The following HLCS variants were observed in gnomAD, a reference collection of about 807,000 sequenced individuals.
The protein encoded by HLCS is biotin--protein ligase.
In HLCS, 53 loss-of-function variants were observed where a neutral mutation model predicts 75.0. The observed-to-expected ratio is 0.71, with a 90% CI of 0.57 to 0.89. The LOEUF (loss-of-function observed/expected upper bound fraction) is 0.89. Ranked by LOEUF, HLCS falls within the 40% of genes least tolerant of loss-of-function variation. The pLI, the probability that HLCS is intolerant of heterozygous loss-of-function variation, is 0.00. For missense variants in HLCS, 966 were observed against 1,074.0 expected, an observed-to-expected ratio of 0.90 and a Z score of 1.41; for synonymous variants, 431 against 428.6, an observed-to-expected ratio of 1.01 and a Z score of -0.07.
chr21:36,911,190 G>A (rs1437165541), intron 5 of HLCS, among the ~76,000 whole-genome samples: 8 of 152,080 alleles, frequency 5.3e-5, no homozygotes, highest in Non-Finnish European at 7.4e-5. Flanking sequence ...CCCTCATCCC[G>A]TGGAGAACGC....
At chr21:36,912,092 A>T (rs75486102) in intron 5 of HLCS, among the ~76,000 whole-genome samples, 1 of 150,058 alleles carries the variant, frequency 6.7e-6, no homozygotes, top group Non-Finnish European at 1.5e-5. Context: ...AAAAAAAATT[A>T]AACAGAGAAT....
chr21:36,845,740 C>T (rs780645372), intron 6 of HLCS, among the ~76,000 whole-genome samples: 9 of 152,132 alleles, frequency 5.9e-5, no homozygotes, highest in Non-Finnish European at 1.0e-4. Context: ...CACGTGTAAT[C>T]GTTACTTGTG....
intron 6 of HLCS, among the ~76,000 whole-genome samples, chr21:36,813,814 TG>T (rs989708324): frequency 2.3e-4 from 35 of 152,308 alleles, no homozygotes; most frequent in Non-Finnish European, 4.6e-4. Context: ...TAGAAACACC[TG>T]TAATACCTTC....
intron 6 of HLCS, among the ~76,000 whole-genome samples, chr21:36,868,295 A>AAAGAAAGAAAGAAAGAAAAAGAAAGAAAG (rs1569122668): frequency 9.6e-6 from 1 of 103,744 alleles, no homozygotes; most frequent in African/African-American, 4.9e-5. Context: ...AAGAAAGAAA[A>AAAGAAAGAAAGAAAGAAAAAGAAAGAAAG]AGAAAAACAG....
chr21:36,785,497 G>A lies in HLCS; in HGVS notation c.1893-18212C>T, dbSNP rs567968188. Among the ~76,000 whole-genome samples, 542 of 152,246 alleles carry A rather than the reference G, an allele frequency of 3.6e-3. 10 individuals are homozygous for A. Among genetic ancestry groups the A allele is most frequent in the Non-Finnish European group, 2.7e-3 (183 of 68,020 alleles). ...GACCCCTTGAGACCTGGGTGGATTC[G>A]TGCTTCTGGGTGGGTTCTGTGCTGG... On this transcript the variant is annotated intron_variant, in intron 6 of 10. Coordinates refer to ENST00000674895, the MANE Select transcript of HLCS (RefSeq NM_001352514.2).
intron 6 of HLCS, among the ~76,000 whole-genome samples, chr21:36,888,446 ATATATATATATATATATAT>A (rs1178039582): frequency 0.14 from 10,071 of 70,448 alleles, 1,321 homozygotes; most frequent in Non-Finnish European, 0.18. Context: ...AAAAAAAAAA[ATATATATATATATATATAT>A]ATATATATAT....
Position 36,754,173 on chromosome 21 carries a change from C to T in HLCS, c.*73G>A. The T allele has an allele frequency of 2.8e-6, 4 of 1,426,432 alleles. No individual in the cohort carries two copies. Among genetic ancestry groups the T allele is most frequent in the Middle Eastern group, 2.1e-4 (1 of 4,714 alleles). The allele number at this position is 1,426,432 out of a possible 1,614,324, so 88.4% of individuals were successfully genotyped here. On this transcript the variant is annotated 3_prime_UTR_variant, in exon 11 of 11. Coordinates refer to ENST00000674895, the MANE Select transcript of HLCS (RefSeq NM_001352514.2). ...AAATGAATTGGAGGAAAAGAAAATT[C>T]ACCTACAACTCTAAATTAGATTTCC...
chr21:36,936,913 G>A lies in HLCS; in HGVS notation c.973C>T (p.Arg325Trp), dbSNP rs377489918. The change falls in exon 4 of 11, where the codon CGG becomes TGG. Residue 325 changes from arginine (R) to tryptophan (W), a missense_variant. Coordinates refer to ENST00000674895, the MANE Select transcript of HLCS (RefSeq NM_001352514.2). ...AGCACAGACCGGACCTCGTGGAACCGGCCGAGGGCTTCCTGGGAGTCGGAG... is the reference window on the plus strand; with the variant it reads ...AGCACAGACCGGACCTCGTGGAACCAGCCGAGGGCTTCCTGGGAGTCGGAG... ...VGSDSQEALG[R>W]FHEVRSVLAD... 34 of 1,614,026 alleles carry A rather than the reference G, an allele frequency of 2.1e-5. No homozygotes were observed. Among genetic ancestry groups the A allele is most frequent in the East Asian group, 1.1e-4 (5 of 44,880 alleles).
chr21:36,818,732 C>T (rs1188354435), intron 6 of HLCS, among the ~76,000 whole-genome samples: 3 of 152,244 alleles, frequency 2.0e-5, no homozygotes, highest in Admixed American at 2.0e-4. Context: ...TATTTGAACA[C>T]TTCTCTTTTT....
At chr21:36,814,874 C>G (rs556469954) in intron 6 of HLCS, among the ~76,000 whole-genome samples, 5 of 152,160 alleles carry the variant, frequency 3.3e-5, no homozygotes, top group East Asian at 1.9e-4. Flanking sequence ...CTCCTTTATT[C>G]CAGGAATTGC....
intron 6 of HLCS, among the ~76,000 whole-genome samples, chr21:36,808,512 A>G (rs537352525): frequency 2.0e-5 from 3 of 152,340 alleles, no homozygotes; most frequent in African/African-American, 7.2e-5. Context: ...TACAGTCAGT[A>G]CTGTACAACC....
intron 4 of HLCS, among the ~76,000 whole-genome samples, chr21:36,934,499 A>G (rs1304952485): frequency 1.3e-5 from 2 of 152,262 alleles, no homozygotes; most frequent in Non-Finnish European, 2.9e-5. Flanking sequence ...GGACAACTTC[A>G]TGGCAAATTC....
chr21:36,974,243 C>T (rs368344152), intron 1 of HLCS: 2 of 152,402 alleles, frequency 1.3e-5, no homozygotes, highest in Non-Finnish European at 2.9e-5. Flanking sequence ...CGGAAAAATA[C>T]TGTAGCCGCT....
At chr21:36,840,246 T>G (rs1013234479) in intron 6 of HLCS, among the ~76,000 whole-genome samples, 4 of 152,208 alleles carry the variant, frequency 2.6e-5, no homozygotes, top group African/African-American at 9.6e-5. Flanking sequence ...TTACTATTCC[T>G]AAATACAAAA....
chr21:36,900,610 A>G (rs1263410261), intron 5 of HLCS, among the ~76,000 whole-genome samples: 1 of 152,070 alleles, frequency 6.6e-6, no homozygotes, highest in African/African-American at 2.4e-5. Flanking sequence ...GAGCAGGATC[A>G]CCCCACTCTG....
rs2062502855 is a variant in HLCS, at chr21:36,838,597, G to A, written c.1892+58263C>T. Among the ~76,000 whole-genome samples, 3 of 151,880 alleles carry A rather than the reference G, an allele frequency of 2.0e-5. No homozygotes were observed. In the South Asian group the frequency reaches 6.2e-4, roughly 32 times the overall value. ...TGGGTGCCTGCAGTCGCAGCTACTC[G>A]GGAGGCTGAGGCAGGAGAATGACGT... On this transcript the variant is annotated intron_variant, in intron 6 of 10. Transcript: ENST00000674895.
At chr21:36,923,940 T>C (rs891738869) in intron 5 of HLCS, among the ~76,000 whole-genome samples, 1 of 152,206 alleles carries the variant, frequency 6.6e-6, no homozygotes, top group Non-Finnish European at 1.5e-5. Context: ...TTCATAGCTA[T>C]AAAAGCTTTT....
At chr21:36,776,858 T>C (rs1307781841) in intron 6 of HLCS, among the ~76,000 whole-genome samples, 1 of 152,278 alleles carries the variant, frequency 6.6e-6, no homozygotes, top group African/African-American at 2.4e-5. Context: ...CATGCCTGTG[T>C]CTCAACATTT....
chr21:36,857,470 G>T (rs897873609), intron 6 of HLCS, among the ~76,000 whole-genome samples: 2 of 152,144 alleles, frequency 1.3e-5, no homozygotes, highest in African/African-American at 4.8e-5. Context: ...ATGCTGTTTG[G>T]TCTTTCATTT....
Sources: allele counts gnomAD v4.1 joint callset (sites outside exome capture counted in the v4.1 genomes callset), GRCh38; gene constraint gnomAD v4.1.1; transcripts MANE v1.5; gene names NCBI Gene and HGNC (gene_info 2026-07-23, HGNC 2026-07-21).